The following GP2 variants were observed in gnomAD, a reference collection of about 807,000 sequenced individuals.
GP2 encodes the protein pancreatic secretory granule membrane major glycoprotein GP2.
A neutral mutation model predicts 60.8 loss-of-function variants in GP2; 58 were observed. That is an observed-to-expected ratio of 0.95 (90% CI 0.77 to 1.19). The LOEUF (loss-of-function observed/expected upper bound fraction) is 1.19, where lower values mean the gene tolerates loss of function less well. Ranked by LOEUF, GP2 falls within the 50% of genes most tolerant of loss-of-function variation. The pLI is 0.00. For synonymous variants in GP2, 280 were observed against 253.4 expected (o/e 1.10, Z -1.00); for missense variants, 647 against 667.4 (o/e 0.97, Z 0.34).
In GP2 at chr16:20,318,415, A is replaced by G. The variant is rs1193723075; in HGVS notation, c.1023T>C (p.Ser341=). 22 of 1,613,532 alleles carry G rather than the reference A, an allele frequency of 1.4e-5. No homozygotes were observed. The highest frequency in any genetic ancestry group is 3.3e-5 in the South Asian group (3 of 91,058). Residue 341 remains serine, a synonymous_variant, in exon 7 of 11, where the codon AGT becomes AGC. Transcript: ENST00000302555. The part of the protein sequence containing the change: ...LQPIVSSLNV[S]VDGNGEFIVR... ...CAATGAACTCTCCATTCCCGTCCACACTGACGTTCAGGGAACTGAGAAAAA... is the reference window on the plus strand; with the variant it reads ...CAATGAACTCTCCATTCCCGTCCACGCTGACGTTCAGGGAACTGAGAAAAA...
intron 1 of GP2, 183 bp downstream of exon 1, chr16:20,327,284 A>C (rs1276422622): frequency 2.8e-6 from 1 of 355,738 alleles, no homozygotes; most frequent in African/African-American, 2.1e-5. Flanking sequence ...GGAGCATCGC[A>C]GATGACTGGA....
chr16:20,320,056 G>A (rs1273967452), intron 5 of GP2, among the ~76,000 whole-genome samples: 1 of 152,082 alleles, frequency 6.6e-6, no homozygotes, highest in African/African-American at 2.4e-5. Flanking sequence ...ATCCCTAATT[G>A]AAATTATCGT....
chr16:20,325,091 T>C (rs1453574554), intron 2 of GP2, among the ~76,000 whole-genome samples: 1 of 152,220 alleles, frequency 6.6e-6, no homozygotes, highest in Non-Finnish European at 1.5e-5. Context: ...TTTTAGAAAC[T>C]GTGATGTATG....
intron 1 of GP2, 130 bp downstream of exon 1, chr16:20,327,337 A>T: frequency 2.0e-6 from 1 of 492,754 alleles, no homozygotes; most frequent in Non-Finnish European, 3.3e-6. Context: ...GGAGCACTTG[A>T]CAATGGCCAG....
chr16:20,326,657 C>T (rs991484538), intron 1 of GP2, 190 bp from the exon 2 acceptor site: 13 of 540,194 alleles, frequency 2.4e-5, no homozygotes, highest in African/African-American at 9.6e-5. Context: ...CTGGCTAGTA[C>T]TGCAGAATGT....
At chr16:20,319,896 G>T (rs1964300224) in intron 5 of GP2, 128 bp from the exon 6 acceptor site, 1 of 738,142 alleles carries the variant, frequency 1.4e-6, no homozygotes, top group Non-Finnish European at 2.3e-6. Context: ...TGAGCTCATG[G>T]AGGTCAAGGG....
At chr16:20,323,484 T>C (rs890938346) in intron 3 of GP2, 1 of 614,112 alleles carries the variant, frequency 1.6e-6, no homozygotes, top group South Asian at 1.7e-5. Context: ...ATTTTTGCTG[T>C]ACCCCCCCCC....
rs914081274 is a variant in GP2 at position 20,310,856 on chromosome 16, G to A, written c.*367C>T. The stretch of plus-strand genomic sequence containing the variant: ...ACTGCAACCTCCACCCCCTGAGTTC[G>A]AGCAATTCTCCTGCCTTGGCCTCCC... On this transcript the variant is annotated 3_prime_UTR_variant, in exon 11 of 11. Coordinates refer to ENST00000302555, the MANE Select transcript of GP2 (RefSeq NM_001502.4). The A allele has an allele frequency of 8.4e-5, 15 of 179,294 alleles. No homozygotes were observed. The South Asian group carries it at 9.8e-4, about 12-fold the overall frequency. The allele number at this position is 179,294 out of a possible 1,614,324, so 11.1% of individuals were successfully genotyped here.
rs1964567937 is a variant in GP2, at chr16:20,327,491, C to T, written c.-61G>A. 7.8e-7 allele frequency: 1 copy of T among 1,288,856 alleles called. No individual in the cohort carries two copies. Among genetic ancestry groups the T allele is most frequent in the Non-Finnish European group, 1.0e-6 (1 of 988,450 alleles). 79.8% of individuals were successfully genotyped at this position (1,288,856 alleles called of 1,614,324 possible). On this transcript the variant is annotated 5_prime_UTR_variant, in exon 1 of 11. Coordinates refer to ENST00000302555, the MANE Select transcript of GP2 (RefSeq NM_001502.4). Reference sequence around the variant, plus strand: ...CCTCCGATGAGAACACAAAGCGTTCCTCCTCTGGCCAGCCATGGGAATGCA... The same window carrying T: ...CCTCCGATGAGAACACAAAGCGTTCTTCCTCTGGCCAGCCATGGGAATGCA...
At chr16:20,322,478 G>C (rs113083140) in intron 4 of GP2, among the ~76,000 whole-genome samples, 3,417 of 152,224 alleles carry the variant, frequency 0.022, 116 homozygotes, top group African/African-American at 0.07. Context: ...TTACAGATGA[G>C]GATATTCAGG....
In GP2 at chr16:20,318,291, A is replaced by G. The variant is rs901726578; in HGVS notation, c.1147T>C (p.Leu383=). The change falls in exon 7 of 11, where the codon TTG becomes CTG. Residue 383 remains leucine, a synonymous_variant. Transcript: ENST00000302555. ...VESVLYVGAI[L]EQGDTSRFNL... is the part of the protein sequence containing the mutation. ...AACCGGGAGGTGTCCCCTTGTTCCAAGATGGCACCCACATACAGCACGGAC... is the reference window on the plus strand; with the variant it reads ...AACCGGGAGGTGTCCCCTTGTTCCAGGATGGCACCCACATACAGCACGGAC... 1 of 1,613,710 alleles carries G rather than the reference A, an allele frequency of 6.2e-7. No homozygotes were observed. The highest frequency in any genetic ancestry group is 1.3e-5 in the African/African-American group (1 of 74,916).
intron 4 of GP2, among the ~76,000 whole-genome samples, chr16:20,322,253 A>G (rs1964386755): frequency 6.6e-6 from 1 of 152,166 alleles, no homozygotes; most frequent in African/African-American, 2.4e-5. Flanking sequence ...TCAGTGATGG[A>G]GGGAAATAAT....
chr16:20,312,506 C>T (rs970207391), intron 10 of GP2, among the ~76,000 whole-genome samples: 3 of 152,188 alleles, frequency 2.0e-5, no homozygotes, highest in African/African-American at 7.2e-5. Flanking sequence ...CTGATCCCCT[C>T]CTTGTCCAGA....
rs777717994 is a variant in GP2 at position 20,320,476 on chromosome 16, G to A, written c.647-3C>T. ...CTGAGGCTGCAAACTGTGGACATCT[G>A]CAAAGCAGAGATGAAGGCAAGTAGA... On this transcript the variant is annotated splice_polypyrimidine_tract_variant and splice_region_variant and intron_variant, in intron 4 of 10. Transcript: ENST00000302555. 3.4e-5 allele frequency: 54 copies of A among 1,604,836 alleles called. No individual in the cohort carries two copies. Among genetic ancestry groups the A allele is most frequent in the Non-Finnish European group, 4.4e-5 (52 of 1,172,132 alleles).
intron 6 of GP2, among the ~76,000 whole-genome samples, chr16:20,319,241 T>C (rs553228467): frequency 2.6e-5 from 4 of 152,296 alleles, no homozygotes; most frequent in Middle Eastern, 3.4e-3. Context: ...CCCACATTTC[T>C]TTTACATTGT....
Position 20,310,936 on chromosome 16 carries a change from T to C in GP2, c.*287A>G, listed in dbSNP as rs1596515066. ...CATGCCTGGCTAATTTTTGTATTTT[T>C]AGTAGAGACGGAGTTTCAGCATTTT... On this transcript the variant is annotated 3_prime_UTR_variant, in exon 11 of 11. Transcript: ENST00000302555. 1 of 238,412 alleles carries C rather than the reference T, an allele frequency of 4.2e-6. No homozygotes were observed. Among genetic ancestry groups the C allele is most frequent in the African/African-American group, 2.3e-5 (1 of 43,412 alleles). 14.8% of individuals were successfully genotyped at this position (238,412 alleles called of 1,614,324 possible). A position where few individuals can be genotyped will look rare whatever the true frequency, so the allele number is the denominator to read the frequency against.
chr16:20,318,504 A>C, intron 6 of GP2, 74 bp from the exon 7 acceptor site: 1 of 1,387,426 alleles, frequency 7.2e-7, no homozygotes, highest in Non-Finnish European at 1.0e-6. Context: ...TACTTAACAC[A>C]CTTACGAAGG....
intron 8 of GP2, among the ~76,000 whole-genome samples, chr16:20,316,747 G>A (rs982009287): frequency 1.3e-5 from 2 of 151,796 alleles, no homozygotes; most frequent in South Asian, 4.2e-4. Context: ...GAGATCTAGA[G>A]TCTATCTATT....
At chr16:20,311,417 C>T in intron 10 of GP2, 136 bp from the exon 11 acceptor site, 1 of 637,324 alleles carries the variant, frequency 1.6e-6, no homozygotes, top group East Asian at 2.8e-5. Flanking sequence ...GTTATAGTCT[C>T]TGGGACTCAC....
Sources: allele counts gnomAD v4.1 joint callset (sites outside exome capture counted in the v4.1 genomes callset), GRCh38; gene constraint gnomAD v4.1.1; transcripts MANE v1.5; gene names NCBI Gene and HGNC (gene_info 2026-07-23, HGNC 2026-07-21).